RASEF: variants seen among roughly 807,000 people sequenced by gnomAD.
RASEF encodes RAS and EF-hand domain containing.
A neutral mutation model predicts 90.1 loss-of-function variants in RASEF; 68 were observed. The observed-to-expected ratio is 0.75, with a 90% CI of 0.62 to 0.92. The LOEUF (loss-of-function observed/expected upper bound fraction) is 0.92. Among genes scored for constraint, RASEF ranks in the 40% least tolerant of loss-of-function variants. The pLI is 0.00. For missense variants in RASEF, 949 were observed against 937.2 expected (o/e 1.01, Z -0.16); for synonymous variants, 331 against 345.2 (o/e 0.96, Z 0.46).
the RASEF span, among the ~76,000 whole-genome samples, chr9:83,148,371 AAT>A: frequency 6.6e-6 from 1 of 152,296 alleles, no homozygotes; most frequent in African/African-American, 2.4e-5. Flanking sequence ...CCCTCAATCC[AAT>A]ATAACTGGTA....
the RASEF span, among the ~76,000 whole-genome samples, chr9:83,129,539 G>A: frequency 8.5e-5 from 13 of 152,076 alleles, no homozygotes; most frequent in African/African-American, 3.1e-4. Context: ...TAACAGAATT[G>A]CACTCTTCCT....
At chr9:83,207,379 C>T in the RASEF span, among the ~76,000 whole-genome samples, 21 of 152,266 alleles carry the variant, frequency 1.4e-4, no homozygotes, top group South Asian at 4.4e-3. Context: ...TTCAGTCCAT[C>T]CCAGGTGGTG....
At chr9:83,043,594 C>T (rs555778326) in intron 1 of RASEF, among the ~76,000 whole-genome samples, 3 of 152,310 alleles carry the variant, frequency 2.0e-5, no homozygotes, top group African/African-American at 7.2e-5. Context: ...GCATAAATGA[C>T]TGTATCCTCA....
At chr9:83,111,359 T>A in the RASEF span, among the ~76,000 whole-genome samples, 1 of 151,952 alleles carries the variant, frequency 6.6e-6, no homozygotes, top group Non-Finnish European at 1.5e-5. Context: ...GTGGAAAAAA[T>A]GGAAAGATGT....
At chr9:83,024,611 T>G (rs1477395281) in intron 2 of RASEF, among the ~76,000 whole-genome samples, 2 of 152,164 alleles carry the variant, frequency 1.3e-5, no homozygotes, top group Non-Finnish European at 2.9e-5. Flanking sequence ...GGAAGGCCCC[T>G]AGAAGGCTAA....
Position 83,055,417 on chromosome 9 carries a change from C to T in RASEF, c.431+7020G>A, listed in dbSNP as rs1037157186. On this transcript the variant is annotated intron_variant, in intron 1 of 16. Coordinates refer to ENST00000376447, the MANE Select transcript of RASEF (RefSeq NM_152573.4). ...CCTGCTTCGGCTCGCGCACGGTGCG[C>T]GCACACACTGGCCTGCGCCCACTGT... The T allele has an allele frequency of 7.3e-5, 43 of 592,218 alleles. 1 individual carries two copies. The highest frequency in any genetic ancestry group is 1.4e-4 in the Admixed American group (6 of 41,872). 36.7% of individuals were successfully genotyped at this position (592,218 alleles called of 1,614,324 possible). A position where few individuals can be genotyped will look rare whatever the true frequency, so the allele number is the denominator to read the frequency against.
In RASEF at chr9:83,005,461, A is replaced by T. The variant is rs1281916333; in HGVS notation, c.1068T>A (p.Leu356=). The T allele has an allele frequency of 5.0e-6, 8 of 1,614,054 alleles. No individual in the cohort carries two copies. Among genetic ancestry groups the T allele is most frequent in the Non-Finnish European group, 6.8e-6 (8 of 1,179,950 alleles). ...TATAACTGTTTTCAAGGGCACTTCT[A>T]AGGCCATCATTACTGTCATGTAGCT... ...NRKLHDSNDG[L]RSALENSYSK... is the part of the protein sequence containing the mutation. The change falls in exon 8 of 17, where the codon CTT becomes CTA. Residue 356 remains leucine, a synonymous_variant. Transcript: ENST00000376447.
intron 16 of RASEF, among the ~76,000 whole-genome samples, chr9:82,984,665 C>T (rs1502683): frequency 0.51 from 77,992 of 151,878 alleles, 20,414 homozygotes; most frequent in East Asian, 0.77. Flanking sequence ...AGACTCATTT[C>T]AGGTTTCTGA....
chr9:83,028,402 T>C (rs187602845), intron 1 of RASEF, among the ~76,000 whole-genome samples: 1 of 152,340 alleles, frequency 6.6e-6, no homozygotes, highest in Non-Finnish European at 1.5e-5. Flanking sequence ...TCTGAGAGCA[T>C]TTCACAGCCA....
the RASEF span, among the ~76,000 whole-genome samples, chr9:83,132,987 A>G: frequency 6.6e-6 from 1 of 152,328 alleles, no homozygotes; most frequent in Admixed American, 6.5e-5. Flanking sequence ...AATGCCACTC[A>G]CTATTTGCTT....
chr9:83,062,951 C>G lies in RASEF; in HGVS notation c.-84G>C. The G allele has an allele frequency of 7.6e-7, 1 of 1,318,262 alleles. No individual in the cohort carries two copies. Among genetic ancestry groups the G allele is most frequent in the Non-Finnish European group, 9.7e-7 (1 of 1,026,674 alleles). 81.7% of individuals were successfully genotyped at this position (1,318,262 alleles called of 1,614,324 possible). ...CTGGAAGGACGGGGCCACCTGCTGC[C>G]GCCGGGAGGCCCGGCGAGTTTGGCT... is the stretch of plus-strand genomic sequence containing the variant. On this transcript the variant is annotated 5_prime_UTR_variant, in exon 1 of 17. Coordinates refer to ENST00000376447, the MANE Select transcript of RASEF (RefSeq NM_152573.4).
At chr9:83,129,303 A>C in the RASEF span, among the ~76,000 whole-genome samples, 1 of 151,556 alleles carries the variant, frequency 6.6e-6, no homozygotes, top group Non-Finnish European at 1.5e-5. Context: ...GCCACTTGGG[A>C]GGCTGAGGCA....
At chr9:83,087,087 G>A in the RASEF span, among the ~76,000 whole-genome samples, 2 of 152,122 alleles carry the variant, frequency 1.3e-5, no homozygotes, top group African/African-American at 4.8e-5. Context: ...ATTTCCTTGG[G>A]ACTTGAATAC....
upstream of RASEF, among the ~76,000 whole-genome samples, chr9:83,067,714 C>T (rs563974162): frequency 2.0e-5 from 3 of 152,262 alleles, no homozygotes; most frequent in South Asian, 2.1e-4. Flanking sequence ...GCAGAGTTGG[C>T]GTTCATTATT....
At chr9:83,099,531 G>C in the RASEF span, among the ~76,000 whole-genome samples, 1 of 152,162 alleles carries the variant, frequency 6.6e-6, no homozygotes, top group East Asian at 1.9e-4. Flanking sequence ...TCAAGAAGTA[G>C]CTATTCATTT....
chr9:83,062,807 CGCAGGCGGCGAAGACTGAGCGCA>C lies in RASEF; in HGVS notation c.38_60del (p.Leu13ArgfsTer39). 1 of 1,556,798 alleles carries C rather than the reference CGCAGGCGGCGAAGACTGAGCGCA, an allele frequency of 6.4e-7. No individual in the cohort carries two copies. Among genetic ancestry groups the C allele is most frequent in the Non-Finnish European group, 8.6e-7 (1 of 1,161,788 alleles). ...TCCAGGCGCCCCGAGCGGTTCGCGT[CGCAGGCGGCGAAGACTGAGCGCA>C]GCCGGGCCAGCTCCTCTCCGTCCCC... On this transcript the variant is annotated frameshift_variant, in exon 1 of 17. Transcript: ENST00000376447. LOFTEE classifies it high-confidence loss of function.
At chr9:83,007,011 A>G (rs1829145223) in intron 7 of RASEF, among the ~76,000 whole-genome samples, 1 of 150,756 alleles carries the variant, frequency 6.6e-6, no homozygotes. Flanking sequence ...GAAGAATGGC[A>G]TGAACCCAGG....
the RASEF span, among the ~76,000 whole-genome samples, chr9:83,093,569 C>T: frequency 1.3e-5 from 2 of 152,234 alleles, no homozygotes; most frequent in Non-Finnish European, 2.9e-5. Flanking sequence ...CCAGGGCCAG[C>T]AGGGCTGGCC....
rs753491627 is a variant in RASEF at position 83,062,807 on chromosome 9, C to A, written c.61G>T (p.Asp21Tyr). ...TCCAGGCGCCCCGAGCGGTTCGCGT[C>A]GCAGGCGGCGAAGACTGAGCGCAGC... ...ARLRSVFAAC[D>Y]ANRSGRLERE... The change falls in exon 1 of 17, where the codon GAC (aspartate) becomes TAC (tyrosine). Residue 21 changes from aspartate to tyrosine, a missense_variant. Transcript: ENST00000376447. 2.6e-6 allele frequency: 4 copies of A among 1,556,688 alleles called. No individual in the cohort carries two copies. In the African/African-American group the frequency reaches 5.5e-5, roughly 22 times the overall value.
Sources: allele counts gnomAD v4.1 joint callset (sites outside exome capture counted in the v4.1 genomes callset), GRCh38; gene constraint gnomAD v4.1.1; transcripts MANE v1.5; gene names NCBI Gene and HGNC (gene_info 2026-07-23, HGNC 2026-07-21).